The following MOSMO variants were observed in gnomAD, a reference collection of about 807,000 sequenced individuals.
The protein encoded by MOSMO is modulator of smoothened.
MOSMO carries 5 observed loss-of-function variants against 18.4 expected under a neutral mutation model. The ratio of observed to expected loss-of-function variants is 0.27; its 90% CI spans 0.14 to 0.57. The LOEUF (loss-of-function observed/expected upper bound fraction) is 0.57, where lower values mean the gene tolerates loss of function less well. Among genes scored for constraint, MOSMO ranks in the 20% least tolerant of loss-of-function variants. The pLI is 0.92. For missense variants in MOSMO, 138 were observed against 211.8 expected, an observed-to-expected ratio of 0.65 and a Z score of 2.16; for synonymous variants, 82 against 82.3, an observed-to-expected ratio of 1.00 and a Z score of 0.02.
intron 1 of MOSMO, among the ~76,000 whole-genome samples, chr16:22,049,543 G>T (rs1049193247): frequency 2.0e-5 from 3 of 151,876 alleles, no homozygotes; most frequent in Non-Finnish European, 2.9e-5. Context: ...TTTCAATTTT[G>T]ATTTTAGGTT....
intron 1 of MOSMO, among the ~76,000 whole-genome samples, chr16:22,018,438 G>A (rs983592393): frequency 6.6e-6 from 1 of 152,092 alleles, no homozygotes; most frequent in Non-Finnish European, 1.5e-5. Context: ...AATCTTTAAG[G>A]CCACTTAGAC....
rs1300330982 is a variant in MOSMO, at chr16:22,081,923, A to G, written c.*1043A>G. 2 of 152,174 alleles carry G rather than the reference A, an allele frequency of 1.3e-5. No individual in the cohort carries two copies. Among genetic ancestry groups the G allele is most frequent in the Non-Finnish European group, 2.9e-5 (2 of 68,020 alleles). 9.4% of individuals were successfully genotyped at this position (152,174 alleles called of 1,614,324 possible). A position where few individuals can be genotyped will look rare whatever the true frequency, so the allele number is the denominator to read the frequency against. On this transcript the variant is annotated 3_prime_UTR_variant, in exon 3 of 3. Coordinates refer to ENST00000542527, the MANE Select transcript of MOSMO (RefSeq NM_001164579.2). ...TTATTTGTAGGGTTAATTTATTTGT[A>G]TATGATAGTAGAAGGTAAGATCATG... is the stretch of plus-strand genomic sequence containing the variant.
downstream of MOSMO, chr16:22,092,299 A>G: frequency 3.9e-6 from 1 of 257,312 alleles, no homozygotes; most frequent in Admixed American, 4.7e-5. Context: ...ACTGGCCTAA[A>G]CCATAGTTCT....
In MOSMO at chr16:22,008,362, G is replaced by T; in HGVS notation, c.61G>T (p.Ala21Ser). The T allele has an allele frequency of 2.6e-6, 4 of 1,533,898 alleles. No individual in the cohort carries two copies. Among genetic ancestry groups the T allele is most frequent in the Non-Finnish European group, 3.5e-6 (4 of 1,146,012 alleles). ...TCTGGCCGCCGATATCTTCGCCATC[G>T]CCAGCATCGCCAACCCGGACTGGAT... ...LFLAADIFAI[A>S]SIANPDWINT... The change falls in exon 1 of 3, where the codon GCC becomes TCC. Residue 21 changes from alanine to serine, a missense_variant. Ala to Ser is a moderately conservative substitution (Grantham distance 99). Transcript: ENST00000542527.
At chr16:22,032,002 A>G (rs964456361) in intron 1 of MOSMO, among the ~76,000 whole-genome samples, 1 of 152,114 alleles carries the variant, frequency 6.6e-6, no homozygotes, top group South Asian at 2.1e-4. Flanking sequence ...GTTTCTCCAC[A>G]TCCTCACCAG....
intron 1 of MOSMO, among the ~76,000 whole-genome samples, chr16:22,026,132 A>G (rs973529107): frequency 1.3e-5 from 2 of 152,032 alleles, no homozygotes; most frequent in African/African-American, 4.8e-5. Flanking sequence ...TAGTTCCTGG[A>G]ATATTAGCTA....
At position 22,017,149 on chromosome 16, in the gene MOSMO, T is replaced by C. The variant is rs150212811; in HGVS notation, c.106+8742T>C. Reference sequence around the variant, plus strand: ...ATGCATACTTAGGTGGTGGGCCATATTGCATAATCTTATAGGGGAAATTTA... The same window carrying C: ...ATGCATACTTAGGTGGTGGGCCATACTGCATAATCTTATAGGGGAAATTTA... On this transcript the variant is annotated intron_variant, in intron 1 of 2. Transcript: ENST00000542527. 3.3e-5 allele frequency among the ~76,000 whole-genome samples: 5 copies of C among 152,282 alleles called. No homozygotes were observed. The East Asian group carries it at 5.8e-4, about 18-fold the overall frequency.
At chr16:22,041,248 T>G (rs1896763858) in intron 1 of MOSMO, among the ~76,000 whole-genome samples, 1 of 152,040 alleles carries the variant, frequency 6.6e-6, no homozygotes, top group Non-Finnish European at 1.5e-5. Flanking sequence ...TGATCTGAGG[T>G]GGAGTCATTT....
downstream of MOSMO, among the ~76,000 whole-genome samples, chr16:22,089,755 C>A (rs1361563887): frequency 6.6e-6 from 1 of 152,020 alleles, no homozygotes; most frequent in Non-Finnish European, 1.5e-5. Context: ...CTTTGGTGAG[C>A]TAGGAACTCC....
At chr16:22,044,353 A>G (rs1436238652) in intron 1 of MOSMO, among the ~76,000 whole-genome samples, 1 of 152,204 alleles carries the variant, frequency 6.6e-6, no homozygotes, top group Non-Finnish European at 1.5e-5. Context: ...TAATTTATTA[A>G]GTACTTCTGT....
At chr16:22,023,264 A>T (rs943277278) in intron 1 of MOSMO, among the ~76,000 whole-genome samples, 4 of 152,172 alleles carry the variant, frequency 2.6e-5, no homozygotes, top group African/African-American at 4.8e-5. Flanking sequence ...AAACCCTTTT[A>T]TGTTGATATG....
intron 1 of MOSMO, among the ~76,000 whole-genome samples, chr16:22,030,469 A>T (rs923849929): frequency 1.3e-5 from 2 of 152,190 alleles, no homozygotes; most frequent in Non-Finnish European, 2.9e-5. Flanking sequence ...TTCTTAGGCA[A>T]ATTATGCATC....
chr16:22,016,444 G>A (rs1293691602), intron 1 of MOSMO, among the ~76,000 whole-genome samples: 2 of 152,146 alleles, frequency 1.3e-5, no homozygotes, highest in African/African-American at 4.8e-5. Flanking sequence ...TCCAGAAAGA[G>A]ATTTAAGGCA....
At chr16:22,039,322 C>T (rs1238197838) in intron 1 of MOSMO, among the ~76,000 whole-genome samples, 6 of 152,166 alleles carry the variant, frequency 3.9e-5, no homozygotes, top group Admixed American at 1.3e-4. Flanking sequence ...AAGTTTCTTT[C>T]CTTTTTATCT....
At chr16:22,050,473 G>A (rs907942523) in intron 1 of MOSMO, among the ~76,000 whole-genome samples, 1 of 152,156 alleles carries the variant, frequency 6.6e-6, no homozygotes, top group Admixed American at 6.5e-5. Flanking sequence ...AAGACATGTT[G>A]ATTATCACAG....
intron 1 of MOSMO, among the ~76,000 whole-genome samples, chr16:22,048,395 A>G (rs1900357514): frequency 6.6e-6 from 1 of 152,242 alleles, no homozygotes; most frequent in South Asian, 2.1e-4. Context: ...CAAAAGGTGC[A>G]CCAGTTTTTC....
In MOSMO at chr16:22,020,936, G is replaced by A. The variant is rs372109787; in HGVS notation, c.106+12529G>A. On this transcript the variant is annotated intron_variant, in intron 1 of 2. Coordinates refer to ENST00000542527, the MANE Select transcript of MOSMO (RefSeq NM_001164579.2). ...TTTCTGGCCCTATCAGAGGAATTACGGAGATTGTATGTGTAAGAGGTTTCC... is the reference window on the plus strand; with the variant it reads ...TTTCTGGCCCTATCAGAGGAATTACAGAGATTGTATGTGTAAGAGGTTTCC... 3.9e-5 allele frequency among the ~76,000 whole-genome samples: 6 copies of A among 152,128 alleles called. No homozygotes were observed. The East Asian group carries it at 5.8e-4, about 15-fold the overall frequency.
chr16:22,056,046 C>A (rs1900526068), intron 1 of MOSMO, among the ~76,000 whole-genome samples: 2 of 152,162 alleles, frequency 1.3e-5, no homozygotes, highest in Non-Finnish European at 2.9e-5. Flanking sequence ...TCCCAAAAGA[C>A]CAGTAAACCT....
chr16:22,022,536 C>A (rs1158069114), intron 1 of MOSMO, among the ~76,000 whole-genome samples: 1 of 152,186 alleles, frequency 6.6e-6, no homozygotes, highest in East Asian at 1.9e-4. Flanking sequence ...AACCTTCCTA[C>A]ACTAGCCAAC....
Sources: allele counts gnomAD v4.1 joint callset (sites outside exome capture counted in the v4.1 genomes callset), GRCh38; gene constraint gnomAD v4.1.1; transcripts MANE v1.5; gene names NCBI Gene and HGNC (gene_info 2026-07-23, HGNC 2026-07-21).